The following WDFY4 variants were observed in gnomAD, a reference collection of about 807,000 sequenced individuals.
WDFY4 encodes the protein WD repeat- and FYVE domain-containing protein 4.
A neutral mutation model predicts 351.9 loss-of-function variants in WDFY4; 169 were observed. The observed-to-expected ratio is 0.48, with a 90% CI of 0.42 to 0.55. The LOEUF (loss-of-function observed/expected upper bound fraction) is 0.55. WDFY4 is among the 20% of genes least tolerant of loss of function. The pLI, the probability that WDFY4 is intolerant of heterozygous loss-of-function variation, is 0.00. For missense variants in WDFY4, 3,803 were observed against 3,935.6 expected (o/e 0.97, Z 0.90); for synonymous variants, 1,622 against 1,574.6 (o/e 1.03, Z -0.71).
Position 48,970,238 on chromosome 10 carries a change from G to A in WDFY4, c.8877G>A (p.Val2959=), listed in dbSNP as rs769903978. 2.6e-6 allele frequency: 4 copies of A among 1,551,706 alleles called. No homozygotes were observed. The South Asian group carries it at 3.6e-5, about 14-fold the overall frequency. Reference sequence around the variant, plus strand: ...CTGGGACCAGCACTGTGGTGTGTGTGTGGGAGCTCAGCATGACCAAAGGCC... The same window carrying A: ...CTGGGACCAGCACTGTGGTGTGTGTATGGGAGCTCAGCATGACCAAAGGCC... The part of the protein sequence containing the change: ...VTSGTSTVVC[V]WELSMTKGRP... The change falls in exon 57 of 62, where the codon GTG becomes GTA. Residue 2959 remains valine, a synonymous_variant. Coordinates refer to ENST00000325239, the MANE Select transcript of WDFY4 (RefSeq NM_001394531.1).
intron 22 of WDFY4, 44 bp from the exon 23 acceptor site, chr10:48,790,683 G>T: frequency 6.5e-7 from 1 of 1,535,678 alleles, no homozygotes; most frequent in Non-Finnish European, 8.8e-7. Context: ...CCATTGCAAT[G>T]AAGCTGTGAC....
intron 45 of WDFY4, 112 bp downstream of exon 45, chr10:48,897,686 GCA>G (rs1176449289): frequency 1.3e-5 from 19 of 1,457,984 alleles, no homozygotes; most frequent in Non-Finnish European, 1.5e-5. Flanking sequence ...TTGTGCCTAT[GCA>G]CAGCCCAGTG....
At chr10:48,896,462 G>T (rs1403514248) in intron 44 of WDFY4, among the ~76,000 whole-genome samples, 1 of 152,284 alleles carries the variant, frequency 6.6e-6, no homozygotes, top group South Asian at 2.1e-4. Flanking sequence ...GGGTCCTGAA[G>T]AGCTCCCTGG....
chr10:48,949,746 G>T (rs1277188679), intron 51 of WDFY4, among the ~76,000 whole-genome samples: 1 of 152,180 alleles, frequency 6.6e-6, no homozygotes, highest in Non-Finnish European at 1.5e-5. Context: ...TTGAGCAAAT[G>T]CTACCACCCG....
intron 1 of WDFY4, among the ~76,000 whole-genome samples, chr10:48,703,933 G>A (rs748932418): frequency 2.6e-5 from 4 of 152,154 alleles, no homozygotes; most frequent in Non-Finnish European, 2.9e-5. Context: ...AAGAGACCTG[G>A]GGGCATGCAT....
chr10:48,776,716 A>G, intron 15 of WDFY4, 34 bp from the exon 16 acceptor site: 1 of 1,477,738 alleles, frequency 6.8e-7, no homozygotes. Context: ...TGCTTTGAGC[A>G]GAGACACATC....
At chr10:48,820,835 G>A (rs920762939) in intron 33 of WDFY4, among the ~76,000 whole-genome samples, 3 of 152,160 alleles carry the variant, frequency 2.0e-5, no homozygotes, top group Non-Finnish European at 4.4e-5. Flanking sequence ...GTGGCCGTGG[G>A]CTGTGGGCTC....
At chr10:48,840,242 T>C (rs2068549731) in intron 39 of WDFY4, among the ~76,000 whole-genome samples, 1 of 152,152 alleles carries the variant, frequency 6.6e-6, no homozygotes. Flanking sequence ...ACACCCAGAA[T>C]GACCTTCCCC....
chr10:48,776,311 C>T (rs1415660682), intron 15 of WDFY4, among the ~76,000 whole-genome samples: 1 of 152,200 alleles, frequency 6.6e-6, no homozygotes, highest in East Asian at 1.9e-4. Flanking sequence ...CAGGCAGGCC[C>T]AGTGGAGAAG....
chr10:48,812,022 C>T (rs992035979), intron 30 of WDFY4, among the ~76,000 whole-genome samples: 1 of 152,104 alleles, frequency 6.6e-6, no homozygotes, highest in African/African-American at 2.4e-5. Context: ...TGGCCCTGCC[C>T]CAGCACCCCA....
chr10:48,778,594 C>A lies in WDFY4; in HGVS notation c.3176-17C>A, dbSNP rs1279716759. The stretch of plus-strand genomic sequence containing the variant: ...GGGCAGAACAAAGCCTGAGGGCATG[C>A]CTGTGTTCCCACCCAGGTGCCACCA... On this transcript the variant is annotated splice_polypyrimidine_tract_variant and intron_variant, in intron 17 of 61. Coordinates refer to ENST00000325239, the MANE Select transcript of WDFY4 (RefSeq NM_001394531.1). 2 of 1,548,484 alleles carry A rather than the reference C, an allele frequency of 1.3e-6. No homozygotes were observed. The highest frequency in any genetic ancestry group is 1.7e-6 in the Non-Finnish European group (2 of 1,146,164).
chr10:48,845,813 A>G (rs2133145360), intron 39 of WDFY4, among the ~76,000 whole-genome samples: 1 of 129,466 alleles, frequency 7.7e-6, no homozygotes, highest in East Asian at 3.9e-4. Flanking sequence ...GGAAATTCAG[A>G]GCTTGAATAT....
intron 37 of WDFY4, among the ~76,000 whole-genome samples, chr10:48,829,881 TCTGTGTTCTGGTC>T (rs2068129380): frequency 6.6e-6 from 1 of 152,210 alleles, no homozygotes; most frequent in African/African-American, 2.4e-5. Flanking sequence ...ACACAGGGCC[TCTGTGTTCTGGTC>T]AGGTAGCTGC....
At chr10:48,841,943 T>G (rs1314606141) in intron 39 of WDFY4, among the ~76,000 whole-genome samples, 2 of 152,158 alleles carry the variant, frequency 1.3e-5, no homozygotes, top group East Asian at 3.9e-4. Context: ...AAGCAGCTAG[T>G]TCAGTGGATG....
chr10:48,943,379 C>A lies in WDFY4; in HGVS notation c.7679C>A (p.Ala2560Asp). The A allele has an allele frequency of 6.4e-7, 1 of 1,551,836 alleles. No individual in the cohort carries two copies. Among genetic ancestry groups the A allele is most frequent in the Non-Finnish European group, 8.7e-7 (1 of 1,147,014 alleles). The change falls in exon 49 of 62, where the codon GCT becomes GAT. Residue 2560 changes from alanine to aspartate, a missense_variant. By Grantham distance (126) the Ala-to-Asp change is moderately radical. Coordinates refer to ENST00000325239, the MANE Select transcript of WDFY4 (RefSeq NM_001394531.1). ...TATCTCATGTACCTCAACACCGCGG[C>A]TGGGAGAACCTGCAATGACTACATG... Reference protein sequence around the residue: ...FEYLMYLNTAAGRTCNDYMQY... With the variant: ...FEYLMYLNTADGRTCNDYMQY...
At chr10:48,795,541 A>G (rs1272008584) in intron 23 of WDFY4, among the ~76,000 whole-genome samples, 1 of 124,824 alleles carries the variant, frequency 8.0e-6, no homozygotes, top group Non-Finnish European at 1.6e-5. Flanking sequence ...ATATACACAC[A>G]CATGAATAGT....
chr10:48,963,872 C>A lies in WDFY4; in HGVS notation c.8254C>A (p.Leu2752Ile). Residue 2752 changes from leucine (L) to isoleucine (I), a missense_variant, in exon 54 of 62, where the codon CTC becomes ATC. Transcript: ENST00000325239. ...ALESDFVSAN[L>I]HHWIDLIFGY... Reference sequence around the variant, plus strand: ...GGAAAGTGACTTTGTCAGTGCCAACCTCCACCATTGGATAGACCTTATTTT... The same window carrying A: ...GGAAAGTGACTTTGTCAGTGCCAACATCCACCATTGGATAGACCTTATTTT... 1 of 1,551,610 alleles carries A rather than the reference C, an allele frequency of 6.4e-7. No individual in the cohort carries two copies.
chr10:48,828,085 A>G, intron 36 of WDFY4, among the ~76,000 whole-genome samples: 1 of 152,082 alleles, frequency 6.6e-6, no homozygotes, highest in South Asian at 2.1e-4. Flanking sequence ...TTTCCTTTCC[A>G]TGTTTGTCAT....
At chr10:48,788,710 G>T (rs1239406316) in intron 21 of WDFY4, 35 bp downstream of exon 21, 1 of 1,547,754 alleles carries the variant, frequency 6.5e-7, no homozygotes, top group Non-Finnish European at 8.7e-7. Flanking sequence ...ATCTCTGTTG[G>T]AATCTGGTTT....
Sources: gnomAD v4.1 joint callset for allele counts (sites outside exome capture counted in the v4.1 genomes callset) on GRCh38, gnomAD v4.1.1 for gene constraint, MANE v1.5 for transcripts, NCBI Gene and HGNC (gene_info 2026-07-23, HGNC 2026-07-21) for gene names.